Variants in EHHADH observed in about 807,000 individuals in gnomAD.
EHHADH encodes enoyl-CoA hydratase and 3-hydroxyacyl CoA dehydrogenase.
EHHADH carries 48 observed loss-of-function variants against 64.4 expected under a neutral mutation model. The observed-to-expected ratio is 0.75, with a 90% CI of 0.59 to 0.95. EHHADH has a LOEUF of 0.95. Among genes scored for constraint, EHHADH ranks in the 40% least tolerant of loss-of-function variants. EHHADH has a pLI of 0.00. For synonymous variants in EHHADH, 308 were observed against 326.7 expected (o/e 0.94, Z 0.62); for missense variants, 854 against 876.6 (o/e 0.97, Z 0.33).
At chr3:185,200,862 T>C (rs1449137085) in intron 6 of EHHADH, among the ~76,000 whole-genome samples, 1 of 152,024 alleles carries the variant, frequency 6.6e-6, no homozygotes, top group Admixed American at 6.6e-5. Flanking sequence ...CCTGGGCTCA[T>C]GGAAACAAGC....
In EHHADH at chr3:185,205,500, G is replaced by C. The variant is rs142022879; in HGVS notation, c.569-743C>G. Among the ~76,000 whole-genome samples, 856 of 152,310 alleles carry C rather than the reference G, an allele frequency of 5.6e-3. 12 individuals are homozygous for C. Among genetic ancestry groups the C allele is most frequent in the African/African-American group, 0.02 (817 of 41,568 alleles). On this transcript the variant is annotated intron_variant, in intron 5 of 6. Coordinates refer to ENST00000231887, the MANE Select transcript of EHHADH (RefSeq NM_001966.4). ...ATATATATCAATGGAAGAGAATCGAGAGTTCACAAATAAACTCTTACAATT... is the reference window on the plus strand; with the variant it reads ...ATATATATCAATGGAAGAGAATCGACAGTTCACAAATAAACTCTTACAATT...
intron 5 of EHHADH, among the ~76,000 whole-genome samples, chr3:185,211,784 G>T (rs191341689): frequency 2.4e-3 from 362 of 152,214 alleles, no homozygotes; most frequent in Non-Finnish European, 4.2e-3. Context: ...TGTTCACAGC[G>T]GGTAAAAATA....
At position 185,229,556 on chromosome 3, in the gene EHHADH, G is replaced by A. The variant is rs1719099859; in HGVS notation, c.352-13C>T. On this transcript the variant is annotated splice_polypyrimidine_tract_variant and intron_variant, in intron 3 of 6. Transcript: ENST00000231887. ...AGCCAACTTGAGCCTATCAAAGATTGAAGGCATAAAGGCCATTAGCATGAG... is the reference window on the plus strand; with the variant it reads ...AGCCAACTTGAGCCTATCAAAGATTAAAGGCATAAAGGCCATTAGCATGAG... 1.3e-6 allele frequency: 2 copies of A among 1,530,620 alleles called. No homozygotes were observed. Among genetic ancestry groups the A allele is most frequent in the African/African-American group, 1.4e-5 (1 of 73,262 alleles). 94.8% of individuals were successfully genotyped at this position (1,530,620 alleles called of 1,614,324 possible).
chr3:185,207,814 T>C (rs1402444453), intron 5 of EHHADH, among the ~76,000 whole-genome samples: 2 of 152,194 alleles, frequency 1.3e-5, no homozygotes, highest in African/African-American at 4.8e-5. Context: ...GAAAATATAA[T>C]TGGCACATCA....
chr3:185,219,963 A>G (rs976305286), intron 4 of EHHADH, among the ~76,000 whole-genome samples: 25 of 152,100 alleles, frequency 1.6e-4, no homozygotes, highest in Admixed American at 1.3e-4. Context: ...CTCCTTCTGG[A>G]GTAAGGAGTA....
chr3:185,250,008 C>G (rs1256215793), intron 1 of EHHADH, among the ~76,000 whole-genome samples: 2 of 152,094 alleles, frequency 1.3e-5, no homozygotes, highest in African/African-American at 2.4e-5. Context: ...GAGGTAGAAG[C>G]TATGTATTGA....
chr3:185,206,035 C>A (rs538516223), intron 5 of EHHADH, among the ~76,000 whole-genome samples: 2 of 151,940 alleles, frequency 1.3e-5, no homozygotes, highest in African/African-American at 4.8e-5. Flanking sequence ...TAAATCCACA[C>A]TCTCAAGTGT....
chr3:185,211,660 A>G (rs1718543890), intron 5 of EHHADH, among the ~76,000 whole-genome samples: 1 of 152,214 alleles, frequency 6.6e-6, no homozygotes, highest in African/African-American at 2.4e-5. Flanking sequence ...AGGCTTCAAG[A>G]AGGTGACCCA....
intron 6 of EHHADH, among the ~76,000 whole-genome samples, chr3:185,196,879 A>G (rs1217489334): frequency 3.3e-5 from 5 of 151,770 alleles, no homozygotes; most frequent in African/African-American, 1.2e-4. Context: ...GCATGTGCCT[A>G]TGGTCCCAGC....
At chr3:185,233,748 T>C (rs6444039) in intron 3 of EHHADH, among the ~76,000 whole-genome samples, 121,239 of 152,120 alleles carry the variant, frequency 0.8, 49,060 homozygotes, top group Non-Finnish European at 0.87. Context: ...CAGGTTCAAG[T>C]GATTCTCCTG....
chr3:185,249,758 A>C (rs548253110), intron 1 of EHHADH, among the ~76,000 whole-genome samples: 4 of 152,240 alleles, frequency 2.6e-5, no homozygotes, highest in Non-Finnish European at 5.9e-5. Flanking sequence ...TCTTTATAGC[A>C]GTGTGAAAAT....
intron 5 of EHHADH, among the ~76,000 whole-genome samples, chr3:185,217,204 C>T (rs550878072): frequency 2.0e-5 from 3 of 152,236 alleles, no homozygotes; most frequent in African/African-American, 7.2e-5. Context: ...GTACCATCCC[C>T]TTGGTGATAA....
At chr3:185,196,102 T>G (rs1182278219) in intron 6 of EHHADH, among the ~76,000 whole-genome samples, 1 of 152,210 alleles carries the variant, frequency 6.6e-6, no homozygotes, top group Non-Finnish European at 1.5e-5. Context: ...TTCAACAGAA[T>G]CAACTGTCTT....
At chr3:185,244,473 T>A (rs533810865) in intron 2 of EHHADH, among the ~76,000 whole-genome samples, 23 of 152,218 alleles carry the variant, frequency 1.5e-4, no homozygotes, top group Non-Finnish European at 3.2e-4. Context: ...TTCTTTTCCA[T>A]ACTGTCCTTG....
Position 185,193,416 on chromosome 3 carries a change from A to T in EHHADH, c.982T>A (p.Ser328Thr). ...RARIPVIAVD[S>T]DKNQLATANK... is the part of the protein sequence containing the mutation. ...GCAGTTGCTAGCTGGTTTTTGTCCGAGTCTACAGCAATCACAGGAATCCTG... is the reference window on the plus strand; with the variant it reads ...GCAGTTGCTAGCTGGTTTTTGTCCGTGTCTACAGCAATCACAGGAATCCTG... The change falls in exon 7 of 7, where the codon TCG becomes ACG. Residue 328 changes from serine (S) to threonine (T), a missense_variant. Physicochemically the swap from Ser to Thr is moderately conservative, Grantham distance 58 (BLOSUM62 1). Coordinates refer to ENST00000231887, the MANE Select transcript of EHHADH (RefSeq NM_001966.4). The T allele has an allele frequency of 6.2e-7, 1 of 1,614,202 alleles. No homozygotes were observed. The highest frequency in any genetic ancestry group is 8.5e-7 in the Non-Finnish European group (1 of 1,180,032).
At chr3:185,224,443 G>A (rs899817076) in intron 4 of EHHADH, among the ~76,000 whole-genome samples, 12 of 148,226 alleles carry the variant, frequency 8.1e-5, no homozygotes, top group African/African-American at 3.0e-4. Flanking sequence ...GGAGGTTGTG[G>A]TGAGCTGAGA....
intron 2 of EHHADH, among the ~76,000 whole-genome samples, chr3:185,241,070 T>C (rs1231103764): frequency 6.6e-6 from 1 of 151,280 alleles, no homozygotes; most frequent in African/African-American, 2.4e-5. Context: ...TGGTTTTCCA[T>C]TCCTGAGTTA....
intron 5 of EHHADH, among the ~76,000 whole-genome samples, chr3:185,205,349 G>C (rs531632241): frequency 2.0e-5 from 3 of 152,100 alleles, no homozygotes; most frequent in East Asian, 3.9e-4. Flanking sequence ...CTGTAGTAGA[G>C]ACTCTAGTGT....
rs1443095518 is a variant in EHHADH, at chr3:185,218,785, G to A, written c.464-545C>T. On this transcript the variant is annotated intron_variant, in intron 4 of 6. Transcript: ENST00000231887. ...CGCCTGTAATCCCAGCACTTTGGGA[G>A]GCCAAGGCGGGTGGATCACCTGAGG... is the stretch of plus-strand genomic sequence containing the variant. 2.0e-5 allele frequency among the ~76,000 whole-genome samples: 3 copies of A among 151,688 alleles called. No individual in the cohort carries two copies. In the East Asian group the frequency reaches 5.8e-4, roughly 29 times the overall value.
Sources: allele counts gnomAD v4.1 joint callset (sites outside exome capture counted in the v4.1 genomes callset), GRCh38; gene constraint gnomAD v4.1.1; transcripts MANE v1.5; gene names NCBI Gene and HGNC (gene_info 2026-07-23, HGNC 2026-07-21).